KCTD16: variants seen among roughly 807,000 people sequenced by gnomAD.
The protein encoded by KCTD16 is BTB/POZ domain-containing protein KCTD16.
A neutral mutation model predicts 33.2 loss-of-function variants in KCTD16; 13 were observed. The ratio of observed to expected loss-of-function variants is 0.39; its 90% CI spans 0.25 to 0.62. The LOEUF (loss-of-function observed/expected upper bound fraction) is 0.62, where lower values mean the gene tolerates loss of function less well. Ranked by LOEUF, KCTD16 falls within the 20% of genes least tolerant of loss-of-function variation. KCTD16 has a pLI of 0.50. For missense variants in KCTD16, 441 were observed against 525.1 expected (o/e 0.84, Z 1.57); for synonymous variants, 197 against 195.3 (o/e 1.01, Z -0.07).
chr5:144,297,863 T>C (rs1756088564), intron 3 of KCTD16, among the ~76,000 whole-genome samples: 1 of 152,352 alleles, frequency 6.6e-6, no homozygotes, highest in Admixed American at 6.5e-5. Context: ...CCTCCCTTTG[T>C]ATGGGAGCTC....
rs141121768 is a variant in KCTD16, at chr5:144,218,139, A to G, written c.832+10593A>G. Among the ~76,000 whole-genome samples the G allele has an allele frequency of 2.5e-4, 38 of 152,220 alleles. 1 individual carries two copies. The East Asian group carries it at 7.2e-3, about 29-fold the overall frequency. Reference sequence around the variant, plus strand: ...CTAAAGTGTGCCCACGATTGCACAAACCTCCAGTAATTCACCTGTGAACAG... The same window carrying G: ...CTAAAGTGTGCCCACGATTGCACAAGCCTCCAGTAATTCACCTGTGAACAG... On this transcript the variant is annotated intron_variant, in intron 3 of 3. Coordinates refer to ENST00000512467, the MANE Select transcript of KCTD16 (RefSeq NM_020768.4).
chr5:144,196,881 C>T (rs11955302), intron 2 of KCTD16, among the ~76,000 whole-genome samples: 7,102 of 152,276 alleles, frequency 0.047, 475 homozygotes, highest in African/African-American at 0.15. Context: ...GTGCTTGAGG[C>T]TCAGATCATT....
chr5:144,213,082 A>T (rs2126795741), intron 3 of KCTD16, among the ~76,000 whole-genome samples: 1 of 152,270 alleles, frequency 6.6e-6, no homozygotes, highest in South Asian at 2.1e-4. Flanking sequence ...TACCATTATA[A>T]CATACAAAAT....
chr5:144,376,476 A>T (rs987696527), intron 3 of KCTD16, among the ~76,000 whole-genome samples: 5 of 152,168 alleles, frequency 3.3e-5, no homozygotes, highest in Non-Finnish European at 7.3e-5. Context: ...TCCAGGTATG[A>T]GTCTGGACCC....
rs148764223 is a variant in KCTD16 at position 144,375,045 on chromosome 5, A to C, written c.833-98615A>C. On this transcript the variant is annotated intron_variant, in intron 3 of 3. Coordinates refer to ENST00000512467, the MANE Select transcript of KCTD16 (RefSeq NM_020768.4). Reference sequence around the variant, plus strand: ...TAGGTCAGTTGTGTGGCTAACTCTAATGCTAGTTAATTCTTGGCAAAGGGA... The same window carrying C: ...TAGGTCAGTTGTGTGGCTAACTCTACTGCTAGTTAATTCTTGGCAAAGGGA... 2.2e-3 allele frequency among the ~76,000 whole-genome samples: 333 copies of C among 152,282 alleles called. 1 individual carries two copies. The highest frequency in any genetic ancestry group is 7.0e-3 in the African/African-American group (291 of 41,556).
rs564386404 is a variant in KCTD16, at chr5:144,404,053, T to G, written c.833-69607T>G. ...GATATGCCTCTGGAAGGGTGGAGCG[T>G]AGAACTCTATTTTTAACACACAGCA... On this transcript the variant is annotated intron_variant, in intron 3 of 3. Transcript: ENST00000512467. 2.0e-5 allele frequency among the ~76,000 whole-genome samples: 3 copies of G among 152,222 alleles called. No homozygotes were observed. In the South Asian group the frequency reaches 6.2e-4, roughly 32 times the overall value.
At chr5:144,251,417 T>A (rs919185261) in intron 3 of KCTD16, among the ~76,000 whole-genome samples, 10 of 152,194 alleles carry the variant, frequency 6.6e-5, no homozygotes, top group African/African-American at 2.4e-4. Flanking sequence ...TTATGAGATA[T>A]TACATATTCA....
At position 144,478,559 on chromosome 5, in the gene KCTD16, C is replaced by T. The variant is rs909351233; in HGVS notation, c.*4445C>T. On this transcript the variant is annotated 3_prime_UTR_variant, in exon 4 of 4. Coordinates refer to ENST00000512467, the MANE Select transcript of KCTD16 (RefSeq NM_020768.4). ...GCACTTGTAAAAATGCAGATTCCTT[C>T]AACCTAACTTCAAAGAGTCTGATTC... The T allele has an allele frequency of 6.6e-6, 1 of 152,046 alleles. No homozygotes were observed. The highest frequency in any genetic ancestry group is 1.5e-5 in the Non-Finnish European group (1 of 67,964). The allele number at this position is 152,046 out of a possible 1,614,324, so 9.4% of individuals were successfully genotyped here.
intron 3 of KCTD16, among the ~76,000 whole-genome samples, chr5:144,214,459 T>C (rs1257373510): frequency 6.6e-6 from 1 of 152,236 alleles, no homozygotes; most frequent in Non-Finnish European, 1.5e-5. Flanking sequence ...TGTATTCAAA[T>C]ACAAACTCTT....
At chr5:144,363,776 A>T (rs1470659050) in intron 3 of KCTD16, among the ~76,000 whole-genome samples, 1 of 152,136 alleles carries the variant, frequency 6.6e-6, no homozygotes, top group Non-Finnish European at 1.5e-5. Context: ...CCTCCCAGAG[A>T]TCAACAGTTA....
In KCTD16 at chr5:144,441,879, A is replaced by AT. The variant is rs1281863258; in HGVS notation, c.833-31776dup. The stretch of plus-strand genomic sequence containing the variant: ...CTGCAAAAAAAAAAAAAAATCTGGG[A>AT]TTTTTGTTGGAGATTGCATTGAATC... On this transcript the variant is annotated intron_variant, in intron 3 of 3. Transcript: ENST00000512467. Among the ~76,000 whole-genome samples, 12 of 148,956 alleles carry AT rather than the reference A, an allele frequency of 8.1e-5. No individual in the cohort carries two copies. The South Asian group carries it at 2.3e-3, about 29-fold the overall frequency.
At chr5:144,377,867 T>C (rs947393721) in intron 3 of KCTD16, 1 of 151,750 alleles carries the variant, frequency 6.6e-6, no homozygotes, top group African/African-American at 2.4e-5. Context: ...TTTGTGCAAT[T>C]AGGTAGGTAA....
intron 3 of KCTD16, among the ~76,000 whole-genome samples, chr5:144,250,101 A>G (rs181783147): frequency 1.1e-3 from 174 of 152,302 alleles, no homozygotes; most frequent in African/African-American, 3.2e-3. Context: ...AACAGGAAAC[A>G]TGCTTCTTTT....
At chr5:144,302,460 T>C (rs1224984735) in intron 3 of KCTD16, among the ~76,000 whole-genome samples, 1 of 152,234 alleles carries the variant, frequency 6.6e-6, no homozygotes, top group Non-Finnish European at 1.5e-5. Flanking sequence ...ACCATGACTT[T>C]GGGTTCTATC....
chr5:144,357,432 C>T (rs1392696163), intron 3 of KCTD16, among the ~76,000 whole-genome samples: 2 of 152,100 alleles, frequency 1.3e-5, no homozygotes, highest in African/African-American at 4.8e-5. Flanking sequence ...ATCAATGAGC[C>T]TTTCTTGAAA....
chr5:144,387,312 CT>C (rs1702876658), intron 3 of KCTD16, among the ~76,000 whole-genome samples: 2 of 151,990 alleles, frequency 1.3e-5, no homozygotes, highest in African/African-American at 4.8e-5. Context: ...TTATCATTTT[CT>C]CACAACCTCA....
At chr5:144,245,320 A>C (rs1754519287) in intron 3 of KCTD16, among the ~76,000 whole-genome samples, 1 of 152,208 alleles carries the variant, frequency 6.6e-6, no homozygotes, top group African/African-American at 2.4e-5. Flanking sequence ...GTGTATAATG[A>C]GGGAATAGAG....
intron 3 of KCTD16, among the ~76,000 whole-genome samples, chr5:144,449,525 C>A (rs1183302913): frequency 6.6e-6 from 1 of 151,666 alleles, no homozygotes; most frequent in Admixed American, 6.6e-5. Flanking sequence ...GCACACATAC[C>A]CACTGAATCT....
chr5:144,281,669 T>G (rs1241833487), intron 3 of KCTD16, among the ~76,000 whole-genome samples: 1 of 152,220 alleles, frequency 6.6e-6, no homozygotes, highest in African/African-American at 2.4e-5. Context: ...TTGCTATTGT[T>G]GAGGGGAGTT....
Sources: gnomAD v4.1 joint callset for allele counts (sites outside exome capture counted in the v4.1 genomes callset) on GRCh38, gnomAD v4.1.1 for gene constraint, MANE v1.5 for transcripts, NCBI Gene and HGNC (gene_info 2026-07-23, HGNC 2026-07-21) for gene names.